EYS: variants seen among roughly 807,000 people sequenced by gnomAD.
EYS encodes the protein protein eyes shut homolog.
EYS carries 250 observed loss-of-function variants against 282.1 expected under a neutral mutation model. The ratio of observed to expected loss-of-function variants is 0.89; its 90% CI spans 0.80 to 0.98. EYS has a LOEUF of 0.98. Ranked by LOEUF, EYS falls within the 50% of genes least tolerant of loss-of-function variation. The probability of loss-of-function intolerance (pLI) is 0.00; values close to 1 mark genes in which losing one functional copy is unlikely to be tolerated. For synonymous variants in EYS, 1,355 were observed against 1,282.9 expected, an observed-to-expected ratio of 1.06 and a Z score of -1.20; for missense variants, 4,016 against 3,709.0, an observed-to-expected ratio of 1.08 and a Z score of -2.15.
chr6:65,484,482 C>T (rs2127259002), intron 5 of EYS, among the ~76,000 whole-genome samples: 2 of 152,300 alleles, frequency 1.3e-5, no homozygotes, highest in South Asian at 4.1e-4. Flanking sequence ...TAACACACCT[C>T]TCTTTTTCAA....
At chr6:65,040,973 T>C (rs1772916304) in intron 13 of EYS, among the ~76,000 whole-genome samples, 1 of 151,732 alleles carries the variant, frequency 6.6e-6, no homozygotes, top group Non-Finnish European at 1.5e-5. Context: ...ACTTAAAATC[T>C]AGAATAGCAT....
At chr6:64,153,461 T>G (rs1421299074) in intron 31 of EYS, among the ~76,000 whole-genome samples, 1 of 152,190 alleles carries the variant, frequency 6.6e-6, no homozygotes, top group Non-Finnish European at 1.5e-5. Context: ...CTGTTTTCAT[T>G]GGAATACACT....
At chr6:64,719,193 C>T (rs1396466988) in intron 22 of EYS, among the ~76,000 whole-genome samples, 11 of 152,224 alleles carry the variant, frequency 7.2e-5, no homozygotes, top group East Asian at 5.8e-4. Flanking sequence ...TTTCCCTTAA[C>T]CTCAATGAGG....
chr6:65,154,770 C>T (rs535732783), intron 12 of EYS, among the ~76,000 whole-genome samples: 1 of 151,418 alleles, frequency 6.6e-6, no homozygotes, highest in South Asian at 2.1e-4. Context: ...AAAAAATGGA[C>T]ATGAGTCTCA....
intron 26 of EYS, among the ~76,000 whole-genome samples, chr6:64,476,928 A>G (rs1426566823): frequency 6.6e-6 from 1 of 152,170 alleles, no homozygotes; most frequent in African/African-American, 2.4e-5. Context: ...CACATGTTAC[A>G]TCTACCTAGT....
At chr6:64,160,362 C>T (rs889095972) in intron 31 of EYS, among the ~76,000 whole-genome samples, 1 of 152,158 alleles carries the variant, frequency 6.6e-6, no homozygotes, top group African/African-American at 2.4e-5. Flanking sequence ...TTCTCATGTA[C>T]TGAGTGTATC....
rs777137794 is a variant in EYS at position 65,188,764 on chromosome 6, C to CAAA, written c.2023+107096_2023+107098dup. On this transcript the variant is annotated intron_variant, in intron 12 of 42. Transcript: ENST00000503581. ...TGAAAACTTGATCCTTTATTGCATG[C>CAAA]AAAAAAAAAAAAAAAAAAAGATGAA... Among the ~76,000 whole-genome samples the CAAA allele has an allele frequency of 4.7e-3, 367 of 78,724 alleles. 6 individuals carry two copies. The highest frequency in any genetic ancestry group is 0.01 in the Admixed American group (69 of 6,860). The allele number at this position is 78,724 out of a possible 152,430, so 51.6% of individuals were successfully genotyped here.
chr6:65,616,782 C>CA (rs1766213559), intron 2 of EYS, among the ~76,000 whole-genome samples: 3 of 115,480 alleles, frequency 2.6e-5, no homozygotes, highest in African/African-American at 4.7e-5. Context: ...GACACTCTGT[C>CA]TAAAAAAACA....
intron 41 of EYS, among the ~76,000 whole-genome samples, chr6:63,759,486 A>G (rs989469207): frequency 6.6e-6 from 1 of 152,132 alleles, no homozygotes; most frequent in Non-Finnish European, 1.5e-5. Context: ...CTTATAATTT[A>G]GCAGGTTGTA....
At chr6:64,567,161 AT>A (rs1375404646) in intron 26 of EYS, among the ~76,000 whole-genome samples, 1 of 151,886 alleles carries the variant, frequency 6.6e-6, no homozygotes, top group African/African-American at 2.4e-5. Context: ...AAAAAAAAAA[AT>A]TCCTACCAAA....
intron 12 of EYS, among the ~76,000 whole-genome samples, chr6:65,155,113 T>C (rs1764702269): frequency 6.6e-6 from 1 of 151,566 alleles, no homozygotes; most frequent in Non-Finnish European, 1.5e-5. Context: ...TTACATCATT[T>C]TGAATCTTCA....
chr6:64,953,521 G>A (rs536396184), intron 14 of EYS, among the ~76,000 whole-genome samples: 29 of 151,618 alleles, frequency 1.9e-4, no homozygotes, highest in Admixed American at 1.8e-3. Context: ...TAGACACAAA[G>A]GTTTCCAAAT....
At chr6:65,324,906 T>C in intron 11 of EYS, among the ~76,000 whole-genome samples, 1 of 152,204 alleles carries the variant, frequency 6.6e-6, no homozygotes. Context: ...ACTGTATCTC[T>C]GGGATTAAAG....
chr6:64,754,685 C>A (rs1772876160), intron 22 of EYS, among the ~76,000 whole-genome samples: 1 of 152,002 alleles, frequency 6.6e-6, no homozygotes, highest in Non-Finnish European at 1.5e-5. Flanking sequence ...TCAACGTATG[C>A]AAATAATAAA....
rs529330565 is a variant in EYS at position 64,198,023 on chromosome 6, C to T, written c.6424+32569G>A. Among the ~76,000 whole-genome samples, 21 of 151,786 alleles carry T rather than the reference C, an allele frequency of 1.4e-4. No individual in the cohort carries two copies. The East Asian group carries it at 2.1e-3, about 15-fold the overall frequency. Reference sequence around the variant, plus strand: ...TATTTATTTTTTTGAGACGGAGTCTCGCTCTGTTGCCCAGGCTGGAGTGCA... The same window carrying T: ...TATTTATTTTTTTGAGACGGAGTCTTGCTCTGTTGCCCAGGCTGGAGTGCA... On this transcript the variant is annotated intron_variant, in intron 31 of 42. Transcript: ENST00000503581.
intron 33 of EYS, among the ~76,000 whole-genome samples, chr6:64,056,256 T>C (rs114190026): frequency 0.029 from 4,412 of 152,218 alleles, 69 homozygotes; most frequent in Non-Finnish European, 0.046. Flanking sequence ...ATGCAGTTAT[T>C]AAGTTTCAGG....
At chr6:64,545,400 C>G (rs1764823641) in intron 26 of EYS, among the ~76,000 whole-genome samples, 1 of 152,052 alleles carries the variant, frequency 6.6e-6, no homozygotes, top group South Asian at 2.1e-4. Flanking sequence ...TATGACAAAC[C>G]CACAGCCAAT....
chr6:65,700,711 A>T (rs1769643542), intron 1 of EYS, among the ~76,000 whole-genome samples: 2 of 152,208 alleles, frequency 1.3e-5, no homozygotes, highest in Non-Finnish European at 2.9e-5. Context: ...TACCAGCAAC[A>T]CAAAGCCCAT....
At chr6:65,532,571 A>G (rs912013788) in intron 2 of EYS, among the ~76,000 whole-genome samples, 2 of 152,144 alleles carry the variant, frequency 1.3e-5, no homozygotes, top group African/African-American at 4.8e-5. Flanking sequence ...CAAGCTAGGT[A>G]TAAAAATTGC....
Sources: gnomAD v4.1 joint callset for allele counts (sites outside exome capture counted in the v4.1 genomes callset) on GRCh38, gnomAD v4.1.1 for gene constraint, MANE v1.5 for transcripts, NCBI Gene and HGNC (gene_info 2026-07-23, HGNC 2026-07-21) for gene names.